Variants in SNX25 observed in about 807,000 individuals in gnomAD.
SNX25 encodes the protein sorting nexin-25.
A neutral mutation model predicts 113.7 loss-of-function variants in SNX25; 62 were observed. That is an observed-to-expected ratio of 0.55 (90% CI 0.44 to 0.67). The LOEUF is 0.67. Among genes scored for constraint, SNX25 ranks in the 30% least tolerant of loss-of-function variants. The probability of loss-of-function intolerance (pLI) is 0.00; values close to 1 mark genes in which losing one functional copy is unlikely to be tolerated. For synonymous variants in SNX25, 421 were observed against 436.2 expected, an observed-to-expected ratio of 0.97 and a Z score of 0.43; for missense variants, 1,014 against 1,161.0, an observed-to-expected ratio of 0.87 and a Z score of 1.84.
intron 6 of SNX25, among the ~76,000 whole-genome samples, chr4:185,310,146 C>T (rs1287914004): frequency 6.6e-6 from 1 of 152,196 alleles, no homozygotes; most frequent in Non-Finnish European, 1.5e-5. Context: ...GTGGTATCTG[C>T]ATGTTTTCTT....
chr4:185,300,478 T>A (rs1177222032), intron 6 of SNX25, among the ~76,000 whole-genome samples: 1 of 152,018 alleles, frequency 6.6e-6, no homozygotes, highest in Non-Finnish European at 1.5e-5. Flanking sequence ...ACGAATTCTT[T>A]TTTTAATGAT....
intron 15 of SNX25, among the ~76,000 whole-genome samples, chr4:185,354,813 T>C (rs2095331954): frequency 6.6e-6 from 1 of 152,206 alleles, no homozygotes; most frequent in South Asian, 2.1e-4. Flanking sequence ...TTGTCATACC[T>C]AGAGCCTCAG....
rs1416313299 is a variant in SNX25 at position 185,256,250 on chromosome 4, A to G, written c.515-2598A>G. Among the ~76,000 whole-genome samples the G allele has an allele frequency of 2.6e-5, 4 of 152,284 alleles. No homozygotes were observed. The Middle Eastern group carries it at 0.01, about 388-fold the overall frequency. ...TTGTTCTCAGCTGGAAGGCACAGTT[A>G]TCTTATCCCTACAACTGAGGCTGCT... is the stretch of plus-strand genomic sequence containing the variant. On this transcript the variant is annotated intron_variant, in intron 2 of 18. Coordinates refer to ENST00000652585, the MANE Select transcript of SNX25 (RefSeq NM_001378034.2).
chr4:185,370,811 G>C, downstream of SNX25: 7 of 1,614,028 alleles, frequency 4.3e-6, no homozygotes, highest in Non-Finnish European at 5.9e-6. Flanking sequence ...CATAGTCAGC[G>C]ATCCTGAGAG....
In SNX25 at chr4:185,351,484, C is replaced by T; in HGVS notation, c.2341C>T (p.Leu781Phe). 6.2e-7 allele frequency: 1 copy of T among 1,614,168 alleles called. No individual in the cohort carries two copies. The highest frequency in any genetic ancestry group is 8.5e-7 in the Non-Finnish European group (1 of 1,180,024). The change falls in exon 14 of 19, where the codon CTT (leucine) becomes TTT (phenylalanine). Residue 781 changes from leucine (L) to phenylalanine (F), a missense_variant. By Grantham distance (22) the Leu-to-Phe change is conservative (BLOSUM62 0). Transcript: ENST00000652585. ...SDERLCQSEA[L>F]YAFLSPSPDY... ...TGAAAGACTGTGTCAGAGTGAAGCA[C>T]TTTATGCCTTCTTGAGCCCTTCTCC...
chr4:185,247,193 C>A, intron 1 of SNX25, 101 bp from the exon 2 acceptor site: 1 of 771,900 alleles, frequency 1.3e-6, no homozygotes, highest in Non-Finnish European at 2.1e-6. Context: ...TAAGCCTTAT[C>A]TTAATGCTTG....
At chr4:185,266,332 A>T (rs1748072245) in intron 4 of SNX25, among the ~76,000 whole-genome samples, 1 of 152,090 alleles carries the variant, frequency 6.6e-6, no homozygotes, top group Non-Finnish European at 1.5e-5. Context: ...AAAAGAAAAA[A>T]ATCAGTGTTT....
At chr4:185,264,974 G>A (rs1228080076) in intron 4 of SNX25, among the ~76,000 whole-genome samples, 4 of 149,734 alleles carry the variant, frequency 2.7e-5, no homozygotes, top group African/African-American at 7.3e-5. Flanking sequence ...TATATATTAC[G>A]TGTGTGTGTG....
chr4:185,242,447 C>T (rs1354825532), intron 1 of SNX25, among the ~76,000 whole-genome samples: 2 of 152,198 alleles, frequency 1.3e-5, no homozygotes, highest in Non-Finnish European at 2.9e-5. Context: ...TTTGAGGTGC[C>T]CATGAGCCCC....
At chr4:185,292,293 C>G (rs886950401) in intron 6 of SNX25, among the ~76,000 whole-genome samples, 1 of 152,108 alleles carries the variant, frequency 6.6e-6, no homozygotes, top group Non-Finnish European at 1.5e-5. Flanking sequence ...AATTGGACTT[C>G]ATTAAAAATG....
chr4:185,342,305 A>G (rs1282587223), intron 12 of SNX25, among the ~76,000 whole-genome samples, 189 bp downstream of exon 12: 1 of 152,230 alleles, frequency 6.6e-6, no homozygotes, highest in African/African-American at 2.4e-5. Context: ...ATCAGGACAG[A>G]TAACGGTCTG....
At chr4:185,258,713 T>C in intron 2 of SNX25, 135 bp from the exon 3 acceptor site, 1 of 668,620 alleles carries the variant, frequency 1.5e-6, no homozygotes, top group African/African-American at 1.8e-5. Context: ...GGAATTCTCA[T>C]GAGTTCTGTT....
chr4:185,238,814 A>G (rs1743045370), intron 1 of SNX25, among the ~76,000 whole-genome samples: 1 of 152,208 alleles, frequency 6.6e-6, no homozygotes, highest in South Asian at 2.1e-4. Context: ...TGGAGGTGAG[A>G]GACACTTGTT....
intron 1 of SNX25, among the ~76,000 whole-genome samples, chr4:185,213,778 A>G (rs1290734706): frequency 6.6e-6 from 1 of 152,238 alleles, no homozygotes; most frequent in Non-Finnish European, 1.5e-5. Flanking sequence ...TCATCATAAG[A>G]TCAGCAATTC....
At chr4:185,374,863 G>A (rs561439334), downstream of SNX25, among the ~76,000 whole-genome samples, 3 of 152,086 alleles carry the variant, frequency 2.0e-5, no homozygotes, top group East Asian at 1.9e-4. Context: ...TAATTCTTAC[G>A]ATACACTTGC....
At chr4:185,216,403 T>C (rs1738825425) in intron 1 of SNX25, among the ~76,000 whole-genome samples, 1 of 152,104 alleles carries the variant, frequency 6.6e-6, no homozygotes, top group Non-Finnish European at 1.5e-5. Context: ...GATGAAGTTG[T>C]ATATGAATAG....
intron 1 of SNX25, among the ~76,000 whole-genome samples, chr4:185,230,184 T>C (rs36009174): frequency 0.52 from 79,513 of 151,980 alleles, 21,183 homozygotes; most frequent in East Asian, 0.75. Flanking sequence ...TCCTTGCCTT[T>C]TAAAGTGATT....
At chr4:185,328,486 C>A (rs1246321548) in intron 9 of SNX25, among the ~76,000 whole-genome samples, 2 of 152,138 alleles carry the variant, frequency 1.3e-5, no homozygotes, top group East Asian at 3.8e-4. Flanking sequence ...TAGGAAAAAA[C>A]CTTTTTCAGG....
chr4:185,244,014 T>C (rs1205520401), intron 1 of SNX25, among the ~76,000 whole-genome samples: 6 of 152,188 alleles, frequency 3.9e-5, no homozygotes, highest in African/African-American at 1.4e-4. Context: ...TTTCTTTTTT[T>C]TGAGACAGTG....
Sources: allele counts gnomAD v4.1 joint callset (sites outside exome capture counted in the v4.1 genomes callset), GRCh38; gene constraint gnomAD v4.1.1; transcripts MANE v1.5; gene names NCBI Gene and HGNC (gene_info 2026-07-23, HGNC 2026-07-21).